The following SPRED1 variants were observed in gnomAD, a reference collection of about 807,000 sequenced individuals.
SPRED1 encodes sprouty related EVH1 domain containing 1.
SPRED1 carries 18 observed loss-of-function variants against 52.3 expected under a neutral mutation model. The ratio of observed to expected loss-of-function variants is 0.34; its 90% CI spans 0.24 to 0.51. SPRED1 has a LOEUF of 0.51. Among genes scored for constraint, SPRED1 ranks in the 20% least tolerant of loss-of-function variants. SPRED1 has a pLI of 0.97. For missense variants in SPRED1, 485 were observed against 551.0 expected (o/e 0.88, Z 1.20); for synonymous variants, 155 against 179.7 (o/e 0.86, Z 1.10).
At chr15:38,290,926 A>T (rs1341661370) in intron 1 of SPRED1, among the ~76,000 whole-genome samples, 1 of 152,036 alleles carries the variant, frequency 6.6e-6, no homozygotes, top group Non-Finnish European at 1.5e-5. Flanking sequence ...ACTTTTCAAA[A>T]CCAATCATGC....
At chr15:38,273,520 AATATATATATATATATATAT>A (rs58636340) in intron 1 of SPRED1, among the ~76,000 whole-genome samples, 65,014 of 142,874 alleles carry the variant, frequency 0.46, 15,364 homozygotes, top group Non-Finnish European at 0.53. Flanking sequence ...ATGTATTATT[AATATATATATATATATATAT>A]ATATATATAT....
chr15:38,264,681 G>A (rs1159747264), intron 1 of SPRED1, among the ~76,000 whole-genome samples: 2 of 152,202 alleles, frequency 1.3e-5, no homozygotes, highest in Non-Finnish European at 2.9e-5. Flanking sequence ...TGTGGGTTGA[G>A]TGACTTAGAG....
At chr15:38,299,061 C>T (rs989488098) in intron 1 of SPRED1, among the ~76,000 whole-genome samples, 10 of 152,106 alleles carry the variant, frequency 6.6e-5, no homozygotes, top group Non-Finnish European at 1.3e-4. Context: ...ACAGTATTTG[C>T]CTCTGGGATC....
At chr15:38,300,196 T>C (rs1166965862) in intron 2 of SPRED1, among the ~76,000 whole-genome samples, 1 of 152,170 alleles carries the variant, frequency 6.6e-6, no homozygotes, top group Non-Finnish European at 1.5e-5. Context: ...TTGATAATGT[T>C]ATTTGCTCTT....
At chr15:38,254,361 C>T (rs1894047220) in intron 1 of SPRED1, among the ~76,000 whole-genome samples, 1 of 152,106 alleles carries the variant, frequency 6.6e-6, no homozygotes, top group Admixed American at 6.5e-5. Flanking sequence ...CCCTTACTCC[C>T]TCCCCACCCC....
chr15:38,306,850 C>T, intron 2 of SPRED1, among the ~76,000 whole-genome samples: 1 of 152,134 alleles, frequency 6.6e-6, no homozygotes, highest in East Asian at 1.9e-4. Context: ...CTTTCAAACC[C>T]TGCATTTGGC....
chr15:38,319,012 A>G (rs1353248683), intron 2 of SPRED1, among the ~76,000 whole-genome samples: 4 of 152,174 alleles, frequency 2.6e-5, no homozygotes, highest in Non-Finnish European at 5.9e-5. Flanking sequence ...TTGAGAGTTA[A>G]TAGTTGAAAA....
chr15:38,327,400 A>T (rs1895727134), intron 4 of SPRED1, among the ~76,000 whole-genome samples: 1 of 151,890 alleles, frequency 6.6e-6, no homozygotes, highest in South Asian at 2.1e-4. Flanking sequence ...GTTCCTAGGG[A>T]CTCACTTCTA....
At chr15:38,258,709 T>G (rs1197759466) in intron 1 of SPRED1, among the ~76,000 whole-genome samples, 1 of 152,206 alleles carries the variant, frequency 6.6e-6, no homozygotes, top group Non-Finnish European at 1.5e-5. Flanking sequence ...TGCTTTATGG[T>G]AAAATAAAAT....
At chr15:38,327,255 T>G (rs1895724900) in intron 4 of SPRED1, among the ~76,000 whole-genome samples, 2 of 152,158 alleles carry the variant, frequency 1.3e-5, no homozygotes, top group Admixed American at 1.3e-4. Context: ...GGGTAGAGTG[T>G]ATTTTGAATA....
At chr15:38,350,572 C>A (rs1888459618) in intron 6 of SPRED1, among the ~76,000 whole-genome samples, 1 of 152,082 alleles carries the variant, frequency 6.6e-6, no homozygotes, top group African/African-American at 2.4e-5. Flanking sequence ...CCTAACAGCC[C>A]CAAAGACATA....
At chr15:38,315,813 A>G (rs1318857073) in intron 2 of SPRED1, among the ~76,000 whole-genome samples, 3 of 152,072 alleles carry the variant, frequency 2.0e-5, no homozygotes, top group Middle Eastern at 3.4e-3. Flanking sequence ...CAAGTAACCT[A>G]TTGTGGGGTA....
intron 1 of SPRED1, among the ~76,000 whole-genome samples, chr15:38,283,047 A>G (rs923957121): frequency 3.9e-5 from 6 of 152,148 alleles, no homozygotes; most frequent in African/African-American, 1.4e-4. Flanking sequence ...TATAAAGAAT[A>G]CTACTTGAGA....
At chr15:38,288,155 A>G (rs763596630) in intron 1 of SPRED1, among the ~76,000 whole-genome samples, 10 of 152,190 alleles carry the variant, frequency 6.6e-5, no homozygotes, top group Non-Finnish European at 1.5e-4. Flanking sequence ...CCTTCAGTCA[A>G]AATTACCTGA....
At chr15:38,314,131 C>A (rs1331322958) in intron 2 of SPRED1, among the ~76,000 whole-genome samples, 1 of 151,750 alleles carries the variant, frequency 6.6e-6, no homozygotes, top group Non-Finnish European at 1.5e-5. Context: ...CCTAAGTGTT[C>A]CACATATTTT....
At chr15:38,300,549 G>A (rs1261572809) in intron 2 of SPRED1, among the ~76,000 whole-genome samples, 2 of 151,942 alleles carry the variant, frequency 1.3e-5, no homozygotes, top group African/African-American at 4.8e-5. Context: ...CTGAATCATT[G>A]TAGTAATTCA....
Position 38,349,503 on chromosome 15 carries a change from A to T in SPRED1, c.664A>T (p.Ser222Cys). 6.2e-7 allele frequency: 1 copy of T among 1,611,904 alleles called. No homozygotes were observed. The highest frequency in any genetic ancestry group is 8.5e-7 in the Non-Finnish European group (1 of 1,178,310). Residue 222 changes from serine to cysteine, a missense_variant, in exon 6 of 7, where the codon AGC becomes TGC. Ser to Cys is a moderately radical substitution (Grantham distance 112). This residue lies in a region of SPRED1 where 232 missense variants were observed against 231.8 expected (regional missense o/e 1.00). Coordinates refer to ENST00000299084, the MANE Select transcript of SPRED1 (RefSeq NM_152594.3). ...VQRQISKECG[S>C]LKSQNRVPLK... ...GCGGCAAATATCCAAGGAATGTGGA[A>T]GCCTAAAGTCCCAAAATAGGGTAAG...
intron 1 of SPRED1, among the ~76,000 whole-genome samples, chr15:38,281,095 A>G (rs1470612705): frequency 6.6e-6 from 1 of 152,222 alleles, no homozygotes; most frequent in Non-Finnish European, 1.5e-5. Context: ...AAAACCTCAT[A>G]TAATAATGGG....
intron 1 of SPRED1, among the ~76,000 whole-genome samples, chr15:38,291,335 T>A (rs1451750682): frequency 1.3e-5 from 2 of 152,188 alleles, no homozygotes; most frequent in Non-Finnish European, 2.9e-5. Flanking sequence ...CACAGGCTGA[T>A]GTTGAGTGTC....
Sources: allele counts gnomAD v4.1 joint callset (sites outside exome capture counted in the v4.1 genomes callset), GRCh38; gene constraint gnomAD v4.1.1; regional missense constraint gnomAD v4.1.1; transcripts MANE v1.5; gene names NCBI Gene and HGNC (gene_info 2026-07-23, HGNC 2026-07-21).